Variants in NEK1 observed in about 807,000 individuals in gnomAD.
NEK1 encodes the protein NIMA related kinase 1, also known as serine/threonine-protein kinase Nek1.
Under a neutral mutation model 182.1 loss-of-function variants are expected in NEK1, and 137 were observed. The observed-to-expected ratio is 0.75, with a 90% CI of 0.65 to 0.87. The LOEUF is 0.87. NEK1 is among the 40% of genes least tolerant of loss of function. The pLI, the probability that NEK1 is intolerant of heterozygous loss-of-function variation, is 0.00. For missense variants in NEK1, 1,391 were observed against 1,494.4 expected (o/e 0.93, Z 1.14); for synonymous variants, 513 against 492.2 (o/e 1.04, Z -0.56).
intron 2 of NEK1, among the ~76,000 whole-genome samples, chr4:169,603,172 C>T (rs1187968825): frequency 6.6e-6 from 1 of 152,138 alleles, no homozygotes; most frequent in African/African-American, 2.4e-5. Flanking sequence ...AAAGAATATG[C>T]CCATGTTACA....
At chr4:169,547,238 G>C (rs1368935240) in intron 18 of NEK1, among the ~76,000 whole-genome samples, 1 of 152,206 alleles carries the variant, frequency 6.6e-6, no homozygotes, top group Non-Finnish European at 1.5e-5. Context: ...ATGAAGCTTA[G>C]TTTGGCTGGA....
In NEK1 at chr4:169,537,767, T is replaced by C. The variant is rs747433590; in HGVS notation, c.1665+42A>G. 7.8e-6 allele frequency: 11 copies of C among 1,416,814 alleles called. 1 individual carries two copies. In the South Asian group the frequency reaches 1.0e-4, roughly 13 times the overall value. The allele number at this position is 1,416,814 out of a possible 1,614,324, so 87.8% of individuals were successfully genotyped here. A position where few individuals can be genotyped will look rare whatever the true frequency, so the allele number is the denominator to read the frequency against. On this transcript the variant is annotated intron_variant, in intron 19 of 35. Transcript: ENST00000507142. ...CCTTATTCCAGACCTTCACTTGGAA[T>C]ACTAATACATTCAAAATCTCAGAAA...
At chr4:169,499,967 C>T (rs890518092) in intron 23 of NEK1, among the ~76,000 whole-genome samples, 41 of 152,184 alleles carry the variant, frequency 2.7e-4, no homozygotes, top group African/African-American at 9.9e-4. Flanking sequence ...GATTCTGCTG[C>T]CTTTTGTTTG....
At chr4:169,562,795 T>C (rs1158174917) in intron 12 of NEK1, among the ~76,000 whole-genome samples, 2 of 152,142 alleles carry the variant, frequency 1.3e-5, no homozygotes, top group Non-Finnish European at 2.9e-5. Context: ...ACAAGTGGTT[T>C]TTGGTTACAT....
chr4:169,587,377 A>G lies in NEK1; in HGVS notation c.606+182T>C, dbSNP rs1419844848. Among the ~76,000 whole-genome samples, 4 of 151,958 alleles carry G rather than the reference A, an allele frequency of 2.6e-5. No individual in the cohort carries two copies. The South Asian group carries it at 6.2e-4, about 24-fold the overall frequency. Reference sequence around the variant, plus strand: ...TTATAAAATAGCAAATATACCAGATATGCATATATACAAAGGGAAATCGAT... The same window carrying G: ...TTATAAAATAGCAAATATACCAGATGTGCATATATACAAAGGGAAATCGAT... On this transcript the variant is annotated intron_variant, in intron 9 of 35. Transcript: ENST00000507142.
chr4:169,527,889 G>C (rs1237621298), intron 19 of NEK1, among the ~76,000 whole-genome samples: 1 of 151,940 alleles, frequency 6.6e-6, no homozygotes, highest in Non-Finnish European at 1.5e-5. Context: ...GGAATTGTTA[G>C]ACTACATTTT....
At chr4:169,454,567 CAT>C (rs1207587083) in intron 27 of NEK1, among the ~76,000 whole-genome samples, 2 of 152,158 alleles carry the variant, frequency 1.3e-5, no homozygotes, top group South Asian at 2.1e-4. Flanking sequence ...GGCCAACAAA[CAT>C]ATGAAAAAAT....
chr4:169,590,685 T>C lies in NEK1; in HGVS notation c.396+41A>G, dbSNP rs114106978. 1.4e-3 allele frequency: 1,970 copies of C among 1,429,800 alleles called. 26 individuals are homozygous for C. The African/African-American group carries it at 0.025, about 18-fold the overall frequency. 88.6% of individuals were successfully genotyped at this position (1,429,800 alleles called of 1,614,324 possible). Reference sequence around the variant, plus strand: ...GGCCCAAAACAATGAAGGTTCCATGTCTTTATCCATTCAGAAGTTATCAGT... The same window carrying C: ...GGCCCAAAACAATGAAGGTTCCATGCCTTTATCCATTCAGAAGTTATCAGT... On this transcript the variant is annotated intron_variant, in intron 6 of 35. Transcript: ENST00000507142.
intron 32 of NEK1, among the ~76,000 whole-genome samples, chr4:169,404,714 C>T (rs544178369): frequency 6.6e-6 from 1 of 152,204 alleles, no homozygotes; most frequent in African/African-American, 2.4e-5. Flanking sequence ...TTGTCTAAGA[C>T]AGTTGAGAGG....
intron 23 of NEK1, among the ~76,000 whole-genome samples, chr4:169,497,689 T>G (rs1187739672): frequency 6.6e-6 from 1 of 152,226 alleles, no homozygotes; most frequent in Non-Finnish European, 1.5e-5. Flanking sequence ...GAACAGGTTG[T>G]TCAGTTTCCA....
chr4:169,462,169 A>AT (rs1744088879), intron 27 of NEK1, among the ~76,000 whole-genome samples: 1 of 151,870 alleles, frequency 6.6e-6, no homozygotes, highest in Admixed American at 6.6e-5. Context: ...TTTTTTTCTC[A>AT]TTTTTTTCCA....
At chr4:169,468,392 G>A (rs1745320520) in intron 26 of NEK1, among the ~76,000 whole-genome samples, 1 of 151,970 alleles carries the variant, frequency 6.6e-6, no homozygotes, top group Admixed American at 6.6e-5. Flanking sequence ...TCTTGATGGG[G>A]GTTCTTATTT....
intron 23 of NEK1, among the ~76,000 whole-genome samples, chr4:169,506,343 T>C (rs944770906): frequency 2.6e-5 from 4 of 152,192 alleles, no homozygotes. Flanking sequence ...CTGTTTTATA[T>C]AAGAATTTAA....
At chr4:169,453,572 G>T (rs1414464640) in intron 27 of NEK1, among the ~76,000 whole-genome samples, 1 of 152,204 alleles carries the variant, frequency 6.6e-6, no homozygotes, top group Non-Finnish European at 1.5e-5. Context: ...AGGAACACCT[G>T]GCCCGCCCAG....
chr4:169,609,436 G>A (rs1581136423), intron 2 of NEK1, among the ~76,000 whole-genome samples: 1 of 152,134 alleles, frequency 6.6e-6, no homozygotes, highest in Non-Finnish European at 1.5e-5. Context: ...AGAGCAAAAT[G>A]TAATCATTCA....
At chr4:169,473,925 T>G (rs1343595221) in intron 26 of NEK1, among the ~76,000 whole-genome samples, 1 of 152,002 alleles carries the variant, frequency 6.6e-6, no homozygotes, top group Non-Finnish European at 1.5e-5. Context: ...ATGAAAAGAA[T>G]TGTAATGGAG....
chr4:169,535,802 C>T (rs1177782681), intron 19 of NEK1, among the ~76,000 whole-genome samples: 1 of 151,392 alleles, frequency 6.6e-6, no homozygotes, highest in African/African-American at 2.4e-5. Context: ...ATCACTTGAA[C>T]CCGGGAGGCG....
At chr4:169,554,684 A>G (rs1761914609) in intron 18 of NEK1, 1 of 152,162 alleles carries the variant, frequency 6.6e-6, no homozygotes, top group Non-Finnish European at 1.5e-5. Flanking sequence ...GAGGTGGAGC[A>G]CAGGGGATTT....
At chr4:169,433,734 G>C in intron 28 of NEK1, 69 bp from the exon 29 acceptor site, 2 of 1,478,138 alleles carry the variant, frequency 1.4e-6, no homozygotes, top group Non-Finnish European at 1.9e-6. Flanking sequence ...GAATAAACTT[G>C]CTATAAATTA....
Sources: gnomAD v4.1 joint callset for allele counts (sites outside exome capture counted in the v4.1 genomes callset) on GRCh38, gnomAD v4.1.1 for gene constraint, MANE v1.5 for transcripts, NCBI Gene and HGNC (gene_info 2026-07-23, HGNC 2026-07-21) for gene names.